Variants in FHIT observed in about 807,000 individuals in gnomAD.
FHIT encodes bis(5'-adenosyl)-triphosphatase.
FHIT carries 19 observed loss-of-function variants against 17.9 expected under a neutral mutation model. The observed-to-expected ratio is 1.06, with a 90% CI of 0.74 to 1.56. The LOEUF (loss-of-function observed/expected upper bound fraction) is 1.56, where lower values mean the gene tolerates loss of function less well. FHIT is among the 40% of genes most tolerant of loss of function. FHIT has a pLI of 0.00. For synonymous variants in FHIT, 81 were observed against 69.7 expected (o/e 1.16, Z -0.81); for missense variants, 248 against 189.2 (o/e 1.31, Z -1.82).
At chr3:60,451,493 G>C (rs960889149) in intron 5 of FHIT, among the ~76,000 whole-genome samples, 1 of 151,860 alleles carries the variant, frequency 6.6e-6, no homozygotes. Context: ...ACTGATACTA[G>C]AAAAAAATGA....
chr3:61,020,616 T>G (rs1454284162), intron 3 of FHIT, among the ~76,000 whole-genome samples: 3 of 152,156 alleles, frequency 2.0e-5, no homozygotes, highest in Non-Finnish European at 4.4e-5. Flanking sequence ...CATCACCTAA[T>G]GGGAAAAATA....
At chr3:61,022,519 C>G (rs1321882325) in intron 3 of FHIT, among the ~76,000 whole-genome samples, 1 of 152,124 alleles carries the variant, frequency 6.6e-6, no homozygotes, top group Non-Finnish European at 1.5e-5. Context: ...CATCCTGATA[C>G]CAAAACCTGA....
At chr3:60,393,808 C>G (rs2107163889) in intron 5 of FHIT, among the ~76,000 whole-genome samples, 1 of 152,212 alleles carries the variant, frequency 6.6e-6, no homozygotes, top group Non-Finnish European at 1.5e-5. Flanking sequence ...TTGCATGGTA[C>G]TAAATAATAA....
chr3:60,451,444 T>G (rs2031738888), intron 5 of FHIT, among the ~76,000 whole-genome samples: 1 of 152,174 alleles, frequency 6.6e-6, no homozygotes, highest in South Asian at 2.1e-4. Flanking sequence ...TGGTACATCT[T>G]GTCTTTGACA....
At chr3:59,838,103 C>T (rs1001197715) in intron 8 of FHIT, among the ~76,000 whole-genome samples, 1 of 152,108 alleles carries the variant, frequency 6.6e-6, no homozygotes, top group South Asian at 2.1e-4. Context: ...CTCTCGCTGT[C>T]CCACTCCTGC....
chr3:60,130,245 C>T (rs569381415), intron 5 of FHIT, among the ~76,000 whole-genome samples: 1 of 152,296 alleles, frequency 6.6e-6, no homozygotes, highest in East Asian at 1.9e-4. Flanking sequence ...TTTCTCATCT[C>T]TAAAACTGGA....
intron 1 of FHIT, among the ~76,000 whole-genome samples, chr3:61,249,572 A>G (rs1400983833): frequency 6.6e-6 from 1 of 152,204 alleles, no homozygotes; most frequent in East Asian, 1.9e-4. Flanking sequence ...TTACAGTCTC[A>G]GTCCTTTTAT....
chr3:60,225,002 T>C (rs752942707), intron 5 of FHIT, among the ~76,000 whole-genome samples: 3 of 152,138 alleles, frequency 2.0e-5, no homozygotes, highest in Non-Finnish European at 4.4e-5. Flanking sequence ...ATTACAGGAA[T>C]GAGCCACCAC....
chr3:60,674,855 C>A (rs1402806266), intron 4 of FHIT, among the ~76,000 whole-genome samples: 1 of 152,180 alleles, frequency 6.6e-6, no homozygotes, highest in African/African-American at 2.4e-5. Flanking sequence ...ATCCTTCAGA[C>A]AATGACCTGC....
At chr3:60,842,549 A>T (rs1349261985) in intron 3 of FHIT, among the ~76,000 whole-genome samples, 3 of 149,270 alleles carry the variant, frequency 2.0e-5, no homozygotes, top group African/African-American at 7.4e-5. Context: ...TTCAAATAGC[A>T]GATAAGAAAG....
At chr3:60,315,552 T>C (rs1434037012) in intron 5 of FHIT, among the ~76,000 whole-genome samples, 1 of 152,224 alleles carries the variant, frequency 6.6e-6, no homozygotes, top group Non-Finnish European at 1.5e-5. Flanking sequence ...ACATAGAAGG[T>C]ACGCTCTAGC....
chr3:60,347,630 G>A (rs1370079036), intron 5 of FHIT, among the ~76,000 whole-genome samples: 1 of 115,934 alleles, frequency 8.6e-6, no homozygotes, highest in Non-Finnish European at 1.6e-5. Context: ...CCACTTGGAA[G>A]CAAAATTGAA....
chr3:59,793,552 C>T (rs1219040699), intron 8 of FHIT, among the ~76,000 whole-genome samples: 1 of 152,088 alleles, frequency 6.6e-6, no homozygotes, highest in African/African-American at 2.4e-5. Context: ...AAACTCAAAC[C>T]TTCCCCCTCT....
chr3:61,071,794 G>T (rs894517287), intron 2 of FHIT, among the ~76,000 whole-genome samples: 2 of 152,118 alleles, frequency 1.3e-5, no homozygotes, highest in South Asian at 4.1e-4. Context: ...AGACAAAGAT[G>T]AAATACCCCA....
chr3:60,343,112 T>G (rs1559837223), intron 5 of FHIT, among the ~76,000 whole-genome samples: 2 of 152,172 alleles, frequency 1.3e-5, no homozygotes, highest in Non-Finnish European at 2.9e-5. Flanking sequence ...CTTCTATACA[T>G]TCTTTCAAAA....
chr3:60,756,001 T>C (rs1479112757), intron 4 of FHIT, among the ~76,000 whole-genome samples: 2 of 152,236 alleles, frequency 1.3e-5, no homozygotes, highest in African/African-American at 4.8e-5. Flanking sequence ...TTCTGTTCTT[T>C]GGTCAAATCT....
intron 5 of FHIT, among the ~76,000 whole-genome samples, chr3:60,084,359 A>G (rs184024510): frequency 4.2e-4 from 64 of 152,216 alleles, no homozygotes; most frequent in African/African-American, 1.4e-3. Context: ...CCCAGTTCCA[A>G]CCTAAGCTTT....
intron 7 of FHIT, among the ~76,000 whole-genome samples, chr3:59,998,476 G>C (rs917190178): frequency 3.3e-5 from 5 of 152,034 alleles, no homozygotes; most frequent in African/African-American, 4.8e-5. Flanking sequence ...CTGAAAAGAG[G>C]GATTTTATGA....
At chr3:60,396,017 A>G (rs1701425828) in intron 5 of FHIT, among the ~76,000 whole-genome samples, 1 of 152,052 alleles carries the variant, frequency 6.6e-6, no homozygotes. Context: ...CACCACACCA[A>G]CAGCTAACAC....
Sources: gnomAD v4.1 joint callset for allele counts (sites outside exome capture counted in the v4.1 genomes callset) on GRCh38, gnomAD v4.1.1 for gene constraint, MANE v1.5 for transcripts, NCBI Gene and HGNC (gene_info 2026-07-23, HGNC 2026-07-21) for gene names.